Variants in MECOM observed in about 807,000 individuals in gnomAD.
The protein encoded by MECOM is MDS1 and EVI1 complex locus.
A neutral mutation model predicts 116.3 loss-of-function variants in MECOM; 13 were observed. That is an observed-to-expected ratio of 0.11 (90% CI 0.07 to 0.18). The LOEUF (loss-of-function observed/expected upper bound fraction) is 0.18, where lower values mean the gene tolerates loss of function less well. MECOM is among the 10% of genes least tolerant of loss of function. The probability of loss-of-function intolerance (pLI) is 1.00; values close to 1 mark genes in which losing one functional copy is unlikely to be tolerated. For missense variants in MECOM, 1,299 were observed against 1,509.0 expected, an observed-to-expected ratio of 0.86 and a Z score of 2.31; for synonymous variants, 528 against 535.2, an observed-to-expected ratio of 0.99 and a Z score of 0.19.
At chr3:169,371,600 C>T (rs1730146492) in intron 2 of MECOM, among the ~76,000 whole-genome samples, 1 of 151,640 alleles carries the variant, frequency 6.6e-6, no homozygotes, top group Non-Finnish European at 1.5e-5. Flanking sequence ...AATCATTTTA[C>T]AATGTATATG....
At chr3:169,458,996 T>C (rs550144190) in intron 1 of MECOM, among the ~76,000 whole-genome samples, 2 of 152,250 alleles carry the variant, frequency 1.3e-5, no homozygotes, top group East Asian at 3.9e-4. Flanking sequence ...GTCTGAATGA[T>C]GACTCGATTC....
intron 7 of MECOM, among the ~76,000 whole-genome samples, chr3:169,117,098 T>C (rs7636713): frequency 0.15 from 22,190 of 152,114 alleles, 2,182 homozygotes; most frequent in Non-Finnish European, 0.2. Flanking sequence ...ATGTTGAAAA[T>C]TAGTCTTAAA....
At chr3:169,460,650 A>G (rs1361864003) in intron 1 of MECOM, among the ~76,000 whole-genome samples, 1 of 152,244 alleles carries the variant, frequency 6.6e-6, no homozygotes, top group African/African-American at 2.4e-5. Flanking sequence ...TTACATGGCA[A>G]GACTTGGCTT....
intron 1 of MECOM, among the ~76,000 whole-genome samples, chr3:169,513,010 T>C (rs1418915744): frequency 2.0e-5 from 3 of 152,232 alleles, no homozygotes; most frequent in Non-Finnish European, 1.5e-5. Flanking sequence ...TTCTATCAAC[T>C]ATTCTAATTT....
intron 1 of MECOM, among the ~76,000 whole-genome samples, chr3:169,521,888 T>C: frequency 6.6e-6 from 1 of 152,204 alleles, no homozygotes. Context: ...GAATTTTTTT[T>C]TGTTGTTATT....
At chr3:169,099,241 T>C (rs1465452831) in intron 12 of MECOM, among the ~76,000 whole-genome samples, 1 of 151,938 alleles carries the variant, frequency 6.6e-6, no homozygotes. Flanking sequence ...TTGGGTGGAA[T>C]AAAACCATTG....
At chr3:169,434,365 C>A (rs17558685) in intron 1 of MECOM, among the ~76,000 whole-genome samples, 8,789 of 152,002 alleles carry the variant, frequency 0.058, 262 homozygotes, top group Non-Finnish European at 0.066. Flanking sequence ...ACAAGTTGAG[C>A]TTTTTTCCTC....
At chr3:169,284,333 C>T (rs1312133323) in intron 2 of MECOM, among the ~76,000 whole-genome samples, 2 of 152,162 alleles carry the variant, frequency 1.3e-5, no homozygotes, top group Non-Finnish European at 1.5e-5. Context: ...GAATCCTGAG[C>T]GTTGAGATTA....
rs550644605 is a variant in MECOM, at chr3:169,443,868, A to G, written c.38-62344T>C. Among the ~76,000 whole-genome samples, 737 of 152,288 alleles carry G rather than the reference A, an allele frequency of 4.8e-3. 11 individuals are homozygous for G. The highest frequency in any genetic ancestry group is 0.017 in the African/African-American group (721 of 41,546). Reference sequence around the variant, plus strand: ...TGCTTCAGTTCTCTCTGAGGACAGAAGAGGACTCTCAGCACTAGACAGTTA... The same window carrying G: ...TGCTTCAGTTCTCTCTGAGGACAGAGGAGGACTCTCAGCACTAGACAGTTA... On this transcript the variant is annotated intron_variant, in intron 1 of 16. Transcript: ENST00000651503.
At chr3:169,209,227 T>A (rs767679329) in intron 2 of MECOM, among the ~76,000 whole-genome samples, 1 of 152,072 alleles carries the variant, frequency 6.6e-6, no homozygotes, top group Non-Finnish European at 1.5e-5. Flanking sequence ...AAGACTTAAA[T>A]GTAAAACCCA....
rs779341348 is a variant in MECOM, at chr3:169,089,047, C to T, written c.3538G>A (p.Val1180Met). The change falls in exon 16 of 17, where the codon GTG becomes ATG. Residue 1180 changes from valine to methionine, a missense_variant. Transcript: ENST00000651503. Reference protein sequence around the residue: ...AELSSFSTSHVPEELKQPLHR... With the variant: ...AELSSFSTSHMPEELKQPLHR... ...AACGGCTGCTTAAGTTCCTCTGGCA[C>T]ATGGGAAGTACTAAAAGAAGACAGC... The T allele has an allele frequency of 6.2e-6, 10 of 1,606,898 alleles. No individual in the cohort carries two copies. The highest frequency in any genetic ancestry group is 1.7e-4 in the Middle Eastern group (1 of 6,058).
At chr3:169,295,024 TA>T (rs573035421) in intron 2 of MECOM, among the ~76,000 whole-genome samples, 42 of 151,638 alleles carry the variant, frequency 2.8e-4, no homozygotes, top group Middle Eastern at 3.4e-3. Context: ...TTTCTTTATT[TA>T]AAAAAAAATG....
chr3:169,639,090 A>G (rs1352358971), intron 1 of MECOM, among the ~76,000 whole-genome samples: 2 of 152,200 alleles, frequency 1.3e-5, no homozygotes, highest in East Asian at 1.9e-4. Flanking sequence ...CATTAGGATT[A>G]GCAACACCCA....
intron 2 of MECOM, among the ~76,000 whole-genome samples, chr3:169,338,863 G>A (rs1212585221): frequency 1.3e-5 from 2 of 152,016 alleles, no homozygotes; most frequent in African/African-American, 4.8e-5. Flanking sequence ...TGTCTTAGCA[G>A]ATCGGGAGGA....
chr3:169,455,282 C>T (rs1746282311), intron 1 of MECOM, among the ~76,000 whole-genome samples: 1 of 152,036 alleles, frequency 6.6e-6, no homozygotes, highest in Non-Finnish European at 1.5e-5. Flanking sequence ...TTTTCTGCAA[C>T]CAAATAAAGT....
At chr3:169,228,475 G>A (rs1380376560) in intron 2 of MECOM, among the ~76,000 whole-genome samples, 4 of 151,992 alleles carry the variant, frequency 2.6e-5, no homozygotes, top group Non-Finnish European at 4.4e-5. Context: ...AGTTTTTCAC[G>A]GGGCTTTAAA....
At chr3:169,144,013 C>CT (rs2149289128) in intron 2 of MECOM, among the ~76,000 whole-genome samples, 181 bp from the exon 3 acceptor site, 1 of 152,170 alleles carries the variant, frequency 6.6e-6, no homozygotes, top group Non-Finnish European at 1.5e-5. Context: ...CAACATACTG[C>CT]TTTTTTAAAA....
chr3:169,233,689 T>C (rs1753687741), intron 2 of MECOM, among the ~76,000 whole-genome samples: 1 of 152,140 alleles, frequency 6.6e-6, no homozygotes, highest in Non-Finnish European at 1.5e-5. Flanking sequence ...CAATTGGGTT[T>C]TGGGAAAGAT....
chr3:169,487,405 T>C (rs544376398), intron 1 of MECOM, among the ~76,000 whole-genome samples: 1 of 152,214 alleles, frequency 6.6e-6, no homozygotes, highest in South Asian at 2.1e-4. Flanking sequence ...ACAATCTGAA[T>C]TAATGTGATC....
Sources: gnomAD v4.1 joint callset for allele counts (sites outside exome capture counted in the v4.1 genomes callset) on GRCh38, gnomAD v4.1.1 for gene constraint, MANE v1.5 for transcripts, NCBI Gene and HGNC (gene_info 2026-07-23, HGNC 2026-07-21) for gene names.